USP6NL: variants seen among roughly 807,000 people sequenced by gnomAD.
USP6NL encodes the protein USP6 N-terminal-like protein.
Under a neutral mutation model 61.9 loss-of-function variants are expected in USP6NL, and 26 were observed. The observed-to-expected ratio is 0.42, with a 90% CI of 0.31 to 0.58. The LOEUF (loss-of-function observed/expected upper bound fraction) is 0.58, where lower values mean the gene tolerates loss of function less well. USP6NL is among the 20% of genes least tolerant of loss of function. The probability of loss-of-function intolerance (pLI) is 0.16; values close to 1 mark genes in which losing one functional copy is unlikely to be tolerated. For missense variants in USP6NL, 1,114 were observed against 1,034.3 expected (o/e 1.08, Z -1.06); for synonymous variants, 432 against 390.1 (o/e 1.11, Z -1.27).
chr10:11,603,043 A>G (rs1838596464), intron 1 of USP6NL, among the ~76,000 whole-genome samples: 1 of 152,222 alleles, frequency 6.6e-6, no homozygotes, highest in South Asian at 2.1e-4. Context: ...TCATTGCTAG[A>G]GAGAAAGGAG....
Position 11,587,863 on chromosome 10 carries a change from GTAAAA to G in USP6NL, c.4+9763_4+9767del, listed in dbSNP as rs1838029776. ...TTTTTCTCAAGACTTTGTAATAAAA[GTAAAA>G]TAGAAACTAGTAAAGCAGAACAATA... On this transcript the variant is annotated intron_variant, in intron 2 of 14. Coordinates refer to ENST00000609104, the MANE Select transcript of USP6NL (RefSeq NM_014688.5). This position sits in a 1 kb window ranked among gnomAD's most constrained non-coding sequence, Gnocchi z 4.5. Among the ~76,000 whole-genome samples the G allele has an allele frequency of 6.6e-6, 1 of 152,124 alleles. No individual in the cohort carries two copies.
rs1161945678 is a variant in USP6NL, at chr10:11,553,025, T to C, written c.5-25458A>G. ...ATGTGTGTTCCTCTCTCTATGACTA[T>C]GTGTACCCATTGTTTCGCTCCTACT... On this transcript the variant is annotated intron_variant, in intron 2 of 14. Transcript: ENST00000609104. The surrounding 1 kb of genome is among the most constrained non-coding windows in gnomAD (Gnocchi z 4.8). Among the ~76,000 whole-genome samples, 1 of 152,218 alleles carries C rather than the reference T, an allele frequency of 6.6e-6. No individual in the cohort carries two copies. The highest frequency in any genetic ancestry group is 1.5e-5 in the Non-Finnish European group (1 of 68,038).
Position 11,589,570 on chromosome 10 carries a change from A to C in USP6NL, c.4+8061T>G, listed in dbSNP as rs1838092129. Among the ~76,000 whole-genome samples the C allele has an allele frequency of 6.6e-6, 1 of 152,202 alleles. No individual in the cohort carries two copies. The highest frequency in any genetic ancestry group is 1.5e-5 in the Non-Finnish European group (1 of 68,034). ...TCTCTCAAGTTATAATCAAGCAAAT[A>C]TATTCTCCCTTACCTTGCAAGTACT... On this transcript the variant is annotated intron_variant, in intron 2 of 14. Coordinates refer to ENST00000609104, the MANE Select transcript of USP6NL (RefSeq NM_014688.5). This position sits in a 1 kb window ranked among gnomAD's most constrained non-coding sequence, Gnocchi z 4.7.
At position 11,572,847 on chromosome 10, in the gene USP6NL, T is replaced by C. The variant is rs1167001299; in HGVS notation, c.4+24784A>G. ...TCAACTGACTTGATGGCCTGTGATT[T>C]TTGAAAATCAATTCCTAATTATCAT... On this transcript the variant is annotated intron_variant, in intron 2 of 14. Coordinates refer to ENST00000609104, the MANE Select transcript of USP6NL (RefSeq NM_014688.5). Among the ~76,000 whole-genome samples, 10 of 152,146 alleles carry C rather than the reference T, an allele frequency of 6.6e-5. No homozygotes were observed. The East Asian group carries it at 1.9e-3, about 29-fold the overall frequency.
At position 11,600,534 on chromosome 10, in the gene USP6NL, T is replaced by C. The variant is rs933571402; in HGVS notation, c.-83-2817A>G. 1.3e-5 allele frequency among the ~76,000 whole-genome samples: 2 copies of C among 152,170 alleles called. No individual in the cohort carries two copies. The highest frequency in any genetic ancestry group is 2.9e-5 in the Non-Finnish European group (2 of 68,034). On this transcript the variant is annotated intron_variant, in intron 1 of 14. Coordinates refer to ENST00000609104, the MANE Select transcript of USP6NL (RefSeq NM_014688.5). This position sits in a 1 kb window ranked among gnomAD's most constrained non-coding sequence, Gnocchi z 4.1. The stretch of plus-strand genomic sequence containing the variant: ...CAGCATTATTACAGCCAAAGATGAC[T>C]AATACAGACAGTAAAGATAGTAATT...
rs752276129 is a variant in USP6NL, at chr10:11,532,236, G to C, written c.5-4669C>G. On this transcript the variant is annotated intron_variant, in intron 2 of 14. Transcript: ENST00000609104. This position sits in a 1 kb window ranked among gnomAD's most constrained non-coding sequence, Gnocchi z 4.1. ...TAACAACAGCTTCAGTCCTCATAGA[G>C]TAACTTATCTATTCCAAGATTTCAT... 4 of 1,599,528 alleles carry C rather than the reference G, an allele frequency of 2.5e-6. No homozygotes were observed. Among genetic ancestry groups the C allele is most frequent in the South Asian group, 2.3e-5 (2 of 88,036 alleles).
intron 2 of USP6NL, among the ~76,000 whole-genome samples, chr10:11,590,805 A>G (rs897020386): frequency 6.6e-6 from 1 of 152,124 alleles, no homozygotes; most frequent in Non-Finnish European, 1.5e-5. Flanking sequence ...AAGGACGCGG[A>G]GAACACGCAC....
At position 11,461,349 on chromosome 10, in the gene USP6NL, G is replaced by A. The variant is rs1350015919; in HGVS notation, c.*1092C>T. Reference sequence around the variant, plus strand: ...AATCCTAGACTCCTATGAAAAACTAGGATCATTTTTATAATTTTAACATGG... The same window carrying A: ...AATCCTAGACTCCTATGAAAAACTAAGATCATTTTTATAATTTTAACATGG... On this transcript the variant is annotated 3_prime_UTR_variant, in exon 15 of 15. Transcript: ENST00000609104. 6.6e-6 allele frequency: 1 copy of A among 152,048 alleles called. No individual in the cohort carries two copies. Among genetic ancestry groups the A allele is most frequent in the Non-Finnish European group, 1.5e-5 (1 of 68,014 alleles). 9.4% of individuals were successfully genotyped at this position (152,048 alleles called of 1,614,324 possible). A position where few individuals can be genotyped will look rare whatever the true frequency, so the allele number is the denominator to read the frequency against.
At chr10:11,605,921 A>T (rs1166761139) in intron 1 of USP6NL, among the ~76,000 whole-genome samples, 2 of 152,218 alleles carry the variant, frequency 1.3e-5, no homozygotes, top group Non-Finnish European at 2.9e-5. Context: ...TCCCAGAAAG[A>T]TTAAGCAAGA....
At chr10:11,566,331 T>A (rs897455023) in intron 2 of USP6NL, among the ~76,000 whole-genome samples, 1 of 152,142 alleles carries the variant, frequency 6.6e-6, no homozygotes, top group African/African-American at 2.4e-5. Flanking sequence ...GACAAAAAAA[T>A]CGGTACACAC....
Position 11,595,091 on chromosome 10 carries a change from G to A in USP6NL, c.4+2540C>T, listed in dbSNP as rs1031246905. 6.6e-6 allele frequency among the ~76,000 whole-genome samples: 1 copy of A among 152,144 alleles called. No individual in the cohort carries two copies. The highest frequency in any genetic ancestry group is 2.4e-5 in the African/African-American group (1 of 41,412). ...AAGAATCTGAAGTGGGAAGTAAGGC[G>A]TTAAGTCCCCGATGGCATTGTTCTT... On this transcript the variant is annotated intron_variant, in intron 2 of 14. Coordinates refer to ENST00000609104, the MANE Select transcript of USP6NL (RefSeq NM_014688.5). This position sits in a 1 kb window ranked among gnomAD's most constrained non-coding sequence, Gnocchi z 5.3.
intron 2 of USP6NL, among the ~76,000 whole-genome samples, chr10:11,554,484 A>G (rs1836605255): frequency 6.6e-6 from 1 of 152,228 alleles, no homozygotes; most frequent in Non-Finnish European, 1.5e-5. Flanking sequence ...GGGATCCACT[A>G]AAGGGGCAGC....
At chr10:11,582,053 C>G (rs1837792739) in intron 2 of USP6NL, among the ~76,000 whole-genome samples, 1 of 152,058 alleles carries the variant, frequency 6.6e-6, no homozygotes, top group Admixed American at 6.5e-5. Context: ...CAACCTCCAC[C>G]TCCCGGCTTC....
At chr10:11,581,623 C>G (rs1268441853) in intron 2 of USP6NL, among the ~76,000 whole-genome samples, 1 of 152,218 alleles carries the variant, frequency 6.6e-6, no homozygotes, top group African/African-American at 2.4e-5. Flanking sequence ...TGTAAATATT[C>G]AAGATGTCCA....
rs1291628296 is a variant in USP6NL, at chr10:11,548,902, C to T, written c.5-21335G>A. ...GGAAGTTGTATTAGTGCTATTATAC[C>T]CAGAAAAGTCCCTAAAGACCATTAT... is the stretch of plus-strand genomic sequence containing the variant. On this transcript the variant is annotated intron_variant, in intron 2 of 14. Coordinates refer to ENST00000609104, the MANE Select transcript of USP6NL (RefSeq NM_014688.5). This position sits in a 1 kb window ranked among gnomAD's most constrained non-coding sequence, Gnocchi z 4.3. 6.6e-6 allele frequency among the ~76,000 whole-genome samples: 1 copy of T among 152,006 alleles called. No individual in the cohort carries two copies. The highest frequency in any genetic ancestry group is 1.5e-5 in the Non-Finnish European group (1 of 67,968).
At chr10:11,593,990 TG>T (rs775894412) in intron 2 of USP6NL, among the ~76,000 whole-genome samples, 2 of 152,180 alleles carry the variant, frequency 1.3e-5, no homozygotes, top group Admixed American at 6.6e-5. Flanking sequence ...AGAAAAATAT[TG>T]GGGGGGAAAA....
rs12776855 is a variant in USP6NL at position 11,468,960 on chromosome 10, G to T, written c.1079-5111C>A. Among the ~76,000 whole-genome samples, 1 of 152,102 alleles carries T rather than the reference G, an allele frequency of 6.6e-6. No homozygotes were observed. The highest frequency in any genetic ancestry group is 1.5e-5 in the Non-Finnish European group (1 of 68,008). On this transcript the variant is annotated intron_variant, in intron 14 of 14. Coordinates refer to ENST00000609104, the MANE Select transcript of USP6NL (RefSeq NM_014688.5). The surrounding 1 kb of genome is among the most constrained non-coding windows in gnomAD (Gnocchi z 4.5). ...GAGATTTAATTTTTTAATATAAGGA[G>T]TAAGAAAAATATTTACCTTATAATT...
At chr10:11,571,573 T>TATGA (rs1218160870) in intron 2 of USP6NL, among the ~76,000 whole-genome samples, 2 of 152,114 alleles carry the variant, frequency 1.3e-5, no homozygotes, top group Non-Finnish European at 2.9e-5. Context: ...ATAATATTAA[T>TATGA]ATGAATACAA....
chr10:11,524,591 T>C (rs1411433944), intron 4 of USP6NL, among the ~76,000 whole-genome samples: 1 of 152,230 alleles, frequency 6.6e-6, no homozygotes, highest in Non-Finnish European at 1.5e-5. Context: ...CAGAGGACTG[T>C]ACATTACTGT....
Sources: gnomAD v4.1 joint callset for allele counts (sites outside exome capture counted in the v4.1 genomes callset) on GRCh38, gnomAD v4.1.1 for gene constraint, Gnocchi (gnomAD v3.1) non-coding constraint, MANE v1.5 for transcripts, NCBI Gene and HGNC (gene_info 2026-07-23, HGNC 2026-07-21) for gene names.